Variants in SEPTIN14 observed in about 807,000 individuals in gnomAD.
SEPTIN14 encodes septin-14.
In SEPTIN14, 40 loss-of-function variants were observed where a neutral mutation model predicts 53.6. The ratio of observed to expected loss-of-function variants is 0.75; its 90% CI spans 0.58 to 0.97. The LOEUF (loss-of-function observed/expected upper bound fraction) is 0.97, where lower values mean the gene tolerates loss of function less well. Among genes scored for constraint, SEPTIN14 ranks in the 50% least tolerant of loss-of-function variants. The pLI is 0.00. For missense variants in SEPTIN14, 471 were observed against 508.2 expected (o/e 0.93, Z 0.70); for synonymous variants, 138 against 166.8 (o/e 0.83, Z 1.33).
At chr7:55,805,860 C>T (rs1788602672) in intron 8 of SEPTIN14, among the ~76,000 whole-genome samples, 1 of 152,000 alleles carries the variant, frequency 6.6e-6, no homozygotes. Context: ...TTCAAAAATC[C>T]TCTAAAATAA....
chr7:55,861,842 T>C, intron 2 of SEPTIN14, 101 bp downstream of exon 2: 1 of 692,618 alleles, frequency 1.4e-6, no homozygotes, highest in Non-Finnish European at 2.3e-6. Context: ...AACAAGACTT[T>C]ATCTTCTATG....
At chr7:55,825,793 C>G (rs1788973451) in intron 6 of SEPTIN14, among the ~76,000 whole-genome samples, 1 of 151,222 alleles carries the variant, frequency 6.6e-6, no homozygotes, top group Non-Finnish European at 1.5e-5. Context: ...GTAGTGAGAC[C>G]CCCACCTCTA....
chr7:55,858,025 C>T (rs1789675658), intron 2 of SEPTIN14, among the ~76,000 whole-genome samples: 1 of 152,184 alleles, frequency 6.6e-6, no homozygotes, highest in South Asian at 2.1e-4. Flanking sequence ...AGAACTGGGA[C>T]ATGCAACAGC....
At chr7:55,852,080 T>TG (rs1789526581) in intron 2 of SEPTIN14, among the ~76,000 whole-genome samples, 1 of 150,572 alleles carries the variant, frequency 6.6e-6, no homozygotes, top group South Asian at 2.1e-4. Context: ...AGGCAGAGGT[T>TG]GCAGTGAGCC....
At position 55,842,991 on chromosome 7, in the gene SEPTIN14, T is replaced by C. The variant is rs752451331; in HGVS notation, c.509A>G (p.His170Arg). The C allele has an allele frequency of 6.4e-7, 1 of 1,566,020 alleles. No individual in the cohort carries two copies. Among genetic ancestry groups the C allele is most frequent in the Non-Finnish European group, 8.6e-7 (1 of 1,156,168 alleles). Reference protein sequence around the residue: ...VCLYFISPTGHSLKSLDLLTM... With the variant: ...VCLYFISPTGRSLKSLDLLTM... ...TAATAGATCAAGAGACTTCAGGGAA[T>C]GTCCTGTAGGTGAAATGAAGTAAAG... Residue 170 changes from histidine to arginine, a missense_variant, in exon 5 of 10, where the codon CAT becomes CGT. Coordinates refer to ENST00000388975, the MANE Select transcript of SEPTIN14 (RefSeq NM_207366.3).
At chr7:55,858,124 C>T (rs1789677292) in intron 2 of SEPTIN14, among the ~76,000 whole-genome samples, 1 of 152,188 alleles carries the variant, frequency 6.6e-6, no homozygotes, top group Non-Finnish European at 1.5e-5. Flanking sequence ...AGGAAGCACT[C>T]TCTTAGGGCG....
chr7:55,843,128 G>C lies in SEPTIN14; in HGVS notation c.372C>G (p.Ser124Arg). 6.4e-7 allele frequency: 1 copy of C among 1,555,684 alleles called. No homozygotes were observed. Among genetic ancestry groups the C allele is most frequent in the Non-Finnish European group, 8.6e-7 (1 of 1,157,140 alleles). ...CTATGTAGTCAACTATTGGTTGGTAGCTAAAAAAAAATTTATACATTTAGC... is the reference window on the plus strand; with the variant it reads ...CTATGTAGTCAACTATTGGTTGGTACCTAAAAAAAAATTTATACATTTAGC... ...GYGDQIDKEASYQPIVDYIDA... is the reference protein window; with the variant it reads ...GYGDQIDKEARYQPIVDYIDA... The change falls in exon 5 of 10, where the codon AGC becomes AGG. Residue 124 changes from serine (S) to arginine (R), a missense_variant and splice_region_variant. Coordinates refer to ENST00000388975, the MANE Select transcript of SEPTIN14 (RefSeq NM_207366.3).
intron 9 of SEPTIN14, among the ~76,000 whole-genome samples, chr7:55,801,480 A>G (rs1255409277): frequency 6.6e-6 from 1 of 152,196 alleles, no homozygotes. Flanking sequence ...TTATAACCAC[A>G]CGATCTACGA....
intron 5 of SEPTIN14, among the ~76,000 whole-genome samples, chr7:55,835,958 G>A (rs919209322): frequency 6.6e-6 from 1 of 151,864 alleles, no homozygotes; most frequent in Non-Finnish European, 1.5e-5. Flanking sequence ...GGCCAGGCTA[G>A]TCTCGAACTC....
chr7:55,799,518 CAAAAAAAA>C (rs59445168), intron 9 of SEPTIN14, among the ~76,000 whole-genome samples: 212 of 62,902 alleles, frequency 3.4e-3, no homozygotes, highest in African/African-American at 7.1e-3. Flanking sequence ...ACTCTTGTCT[CAAAAAAAA>C]AAAAAAAAAA....
At chr7:55,834,892 G>T (rs1046585687) in intron 5 of SEPTIN14, among the ~76,000 whole-genome samples, 1 of 152,086 alleles carries the variant, frequency 6.6e-6, no homozygotes, top group Non-Finnish European at 1.5e-5. Flanking sequence ...TGATCCGCCT[G>T]CCCCGGCCTC....
chr7:55,807,314 G>A, intron 7 of SEPTIN14, 56 bp from the exon 8 acceptor site: 1 of 1,166,896 alleles, frequency 8.6e-7, no homozygotes. Flanking sequence ...CTGACAATCA[G>A]TAAGTGTTCA....
chr7:55,822,011 C>A (rs1178412361), intron 6 of SEPTIN14, among the ~76,000 whole-genome samples: 6 of 152,120 alleles, frequency 3.9e-5, no homozygotes, highest in Non-Finnish European at 5.9e-5. Flanking sequence ...AAAGCAGAAA[C>A]CCCTGATAAA....
At chr7:55,821,968 A>G (rs1225626803) in intron 6 of SEPTIN14, among the ~76,000 whole-genome samples, 2 of 152,226 alleles carry the variant, frequency 1.3e-5, no homozygotes, top group Non-Finnish European at 2.9e-5. Flanking sequence ...CACTTCCTAC[A>G]TGGCAGCGGC....
At chr7:55,845,666 A>G (rs1467234361) in intron 3 of SEPTIN14, among the ~76,000 whole-genome samples, 2 of 152,140 alleles carry the variant, frequency 1.3e-5, no homozygotes, top group African/African-American at 4.8e-5. Flanking sequence ...CATACATGTA[A>G]ATAACTATGA....
At chr7:55,811,292 C>T (rs1788701513) in intron 7 of SEPTIN14, 2 of 513,050 alleles carry the variant, frequency 3.9e-6, no homozygotes, top group African/African-American at 1.9e-5. Flanking sequence ...GCCTGTCAGA[C>T]TCAATTGGCT....
intron 9 of SEPTIN14, among the ~76,000 whole-genome samples, chr7:55,803,479 A>C (rs182433415): frequency 1.6e-3 from 241 of 152,362 alleles, no homozygotes; most frequent in Middle Eastern, 3.4e-3. Context: ...AAAGTAAATC[A>C]GTACAGCTAT....
chr7:55,829,252 G>A (rs1291653479), intron 6 of SEPTIN14, among the ~76,000 whole-genome samples: 1 of 151,648 alleles, frequency 6.6e-6, no homozygotes, highest in Non-Finnish European at 1.5e-5. Flanking sequence ...GGTGGCAGGT[G>A]CTTGTAATCT....
chr7:55,801,732 C>A (rs1487004103), intron 9 of SEPTIN14, among the ~76,000 whole-genome samples: 1 of 151,902 alleles, frequency 6.6e-6, no homozygotes, highest in Non-Finnish European at 1.5e-5. Context: ...CCAGCCTGGG[C>A]AGCATAGTGA....
Sources: allele counts gnomAD v4.1 joint callset (sites outside exome capture counted in the v4.1 genomes callset), GRCh38; gene constraint gnomAD v4.1.1; transcripts MANE v1.5; gene names NCBI Gene and HGNC (gene_info 2026-07-23, HGNC 2026-07-21).